The following HDX variants were observed in gnomAD, a reference collection of about 807,000 sequenced individuals.
The protein encoded by HDX is chromosome X open reading frame 43.
A neutral mutation model predicts 45.2 loss-of-function variants in HDX; 19 were observed. The ratio of observed to expected loss-of-function variants is 0.42; its 90% CI spans 0.29 to 0.62. The LOEUF (loss-of-function observed/expected upper bound fraction) is 0.62, where lower values mean the gene tolerates loss of function less well. HDX is among the 20% of genes least tolerant of loss of function. The pLI is 0.20. For missense variants in HDX, 532 were observed against 493.9 expected (o/e 1.08, Z -0.73); for synonymous variants, 188 against 172.8 (o/e 1.09, Z -0.69).
chrX:84,430,825 C>CTCTT (rs375985385), intron 5 of HDX, among the ~76,000 whole-genome samples: 9,051 of 108,821 alleles, frequency 0.083, 520 homozygotes, highest in African/African-American at 0.21. Context: ...TTCTTTCTCC[C>CTCTT]TCTTTCTTTC....
intron 3 of HDX, among the ~76,000 whole-genome samples, chrX:84,470,048 A>G (rs2040426823): frequency 8.9e-6 from 1 of 112,042 alleles, no homozygotes; most frequent in African/African-American, 3.2e-5. Flanking sequence ...ACAAATACAC[A>G]TTTGCAATCT....
chrX:84,416,712 A>G, intron 5 of HDX, among the ~76,000 whole-genome samples: 1 of 111,737 alleles, frequency 8.9e-6, no homozygotes, highest in Non-Finnish European at 1.9e-5. Flanking sequence ...AGCAACAATT[A>G]AAAAGTAAAA....
Position 84,366,513 on chromosome X carries a change from G to A in HDX, c.1306-4901C>T, listed in dbSNP as rs6652430. Among the ~76,000 whole-genome samples, 798 of 111,599 alleles carry A rather than the reference G, an allele frequency of 7.2e-3. 8 individuals are homozygous for A. The highest frequency in any genetic ancestry group is 0.024 in the African/African-American group (747 of 30,701). On this transcript the variant is annotated intron_variant, in intron 5 of 10. Transcript: ENST00000373177. ...ATTGCATATGGAAGCAAAAAAGAGCGCATGTAGCCAAGACAATCCTAAGCA... is the reference window on the plus strand; with the variant it reads ...ATTGCATATGGAAGCAAAAAAGAGCACATGTAGCCAAGACAATCCTAAGCA...
intron 6 of HDX, among the ~76,000 whole-genome samples, chrX:84,354,901 A>C (rs2037437787): frequency 1.0e-5 from 1 of 96,519 alleles, no homozygotes; most frequent in Non-Finnish European, 2.1e-5. Context: ...TTGGGAATAA[A>C]GAGACATATA....
intron 5 of HDX, among the ~76,000 whole-genome samples, chrX:84,404,658 C>T (rs543645927): frequency 1.8e-5 from 2 of 110,974 alleles, no homozygotes; most frequent in African/African-American, 6.5e-5. Flanking sequence ...TTGATTTCTA[C>T]GAGTCAAAAG....
intron 8 of HDX, among the ~76,000 whole-genome samples, chrX:84,335,924 G>A (rs1051085599): frequency 1.8e-5 from 2 of 110,638 alleles, no homozygotes; most frequent in African/African-American, 6.5e-5. Context: ...AAGACATGTG[G>A]CAGGACTACA....
chrX:84,390,618 GATAA>G (rs2038418961), intron 5 of HDX, among the ~76,000 whole-genome samples: 2 of 111,777 alleles, frequency 1.8e-5, no homozygotes, highest in Non-Finnish European at 3.8e-5. Flanking sequence ...AATTATCCAA[GATAA>G]ATGAGTATTA....
At chrX:84,328,328 T>TGTCATTAAAAG (rs2036763421) in intron 9 of HDX, among the ~76,000 whole-genome samples, 1 of 110,836 alleles carries the variant, frequency 9.0e-6, no homozygotes, top group Non-Finnish European at 1.9e-5. Flanking sequence ...GCCATGATCA[T>TGTCATTAAAAG]ACCACTGCAC....
At chrX:84,471,222 A>C (rs184626657) in intron 3 of HDX, among the ~76,000 whole-genome samples, 1 of 100,970 alleles carries the variant, frequency 9.9e-6, no homozygotes, top group East Asian at 3.0e-4. Context: ...ATATGTATTG[A>C]ATCCCCATTA....
intron 5 of HDX, among the ~76,000 whole-genome samples, chrX:84,435,271 T>A (rs1293822304): frequency 1.8e-5 from 2 of 111,803 alleles, no homozygotes; most frequent in African/African-American, 6.5e-5. Flanking sequence ...TGTGAGATGA[T>A]ATCTCATAGT....
At chrX:84,400,423 G>A (rs747071408) in intron 5 of HDX, among the ~76,000 whole-genome samples, 1 of 107,877 alleles carries the variant, frequency 9.3e-6, no homozygotes, top group Non-Finnish European at 1.9e-5. Context: ...GTCAAGCAGA[G>A]AGGCAAATCG....
intron 5 of HDX, among the ~76,000 whole-genome samples, chrX:84,437,208 G>A (rs773487060): frequency 9.0e-6 from 1 of 111,144 alleles, no homozygotes; most frequent in South Asian, 3.8e-4. Context: ...TGTAAAAAGA[G>A]ACAAAGGCAA....
At chrX:84,461,643 A>G (rs2040240040) in intron 4 of HDX, among the ~76,000 whole-genome samples, 1 of 112,009 alleles carries the variant, frequency 8.9e-6, no homozygotes, top group African/African-American at 3.2e-5. Flanking sequence ...AGCACAGGAA[A>G]CCAAAGCAAA....
intron 5 of HDX, among the ~76,000 whole-genome samples, chrX:84,394,117 G>A (rs1440142491): frequency 9.1e-6 from 1 of 109,935 alleles, no homozygotes; most frequent in African/African-American, 3.3e-5. Context: ...CTGCCTTTTT[G>A]ATGAAAGTGC....
rs778854211 is a variant in HDX, at chrX:84,501,621, A to G, written c.-110+721T>C. The G allele has an allele frequency of 3.6e-5, 4 of 112,443 alleles. No homozygotes were observed. The South Asian group carries it at 1.5e-3, about 42-fold the overall frequency. The allele number at this position is 112,443 out of a possible 1,213,427, so 9.3% of individuals were successfully genotyped here. On this transcript the variant is annotated intron_variant, in intron 1 of 10. Transcript: ENST00000373177. ...AAATTCTTCTAGAGTTCATTCCGTTATTCAACATCTAATATCTGGAAATTT... is the reference window on the plus strand; with the variant it reads ...AAATTCTTCTAGAGTTCATTCCGTTGTTCAACATCTAATATCTGGAAATTT...
intron 5 of HDX, among the ~76,000 whole-genome samples, chrX:84,382,669 G>A (rs949754938): frequency 9.0e-6 from 1 of 111,140 alleles, no homozygotes; most frequent in Non-Finnish European, 1.9e-5. Flanking sequence ...TGGACCTAGA[G>A]AGTAGAAGGA....
At chrX:84,333,424 A>G (rs1423861341) in intron 9 of HDX, among the ~76,000 whole-genome samples, 2 of 111,447 alleles carry the variant, frequency 1.8e-5, no homozygotes. Flanking sequence ...CACTGGAAAA[A>G]GAAATCCCTT....
At chrX:84,332,056 C>A (rs771207879) in intron 9 of HDX, among the ~76,000 whole-genome samples, 28 of 111,506 alleles carry the variant, frequency 2.5e-4, no homozygotes, top group South Asian at 1.1e-3. Flanking sequence ...TAGGGTACAA[C>A]ATTTTCTCTG....
intron 5 of HDX, among the ~76,000 whole-genome samples, chrX:84,398,100 GTATATATATATACACACACACACATA>G (rs2038608576): frequency 9.2e-6 from 1 of 108,545 alleles, no homozygotes; most frequent in South Asian, 4.1e-4. Flanking sequence ...ATGTGTGTAT[GTATATATATATACACACACACACATA>G]TATATATATA....
Sources: allele counts gnomAD v4.1 joint callset (sites outside exome capture counted in the v4.1 genomes callset), GRCh38; gene constraint gnomAD v4.1.1; transcripts MANE v1.5; gene names NCBI Gene and HGNC (gene_info 2026-07-23, HGNC 2026-07-21).